WWOX: variants seen among roughly 807,000 people sequenced by gnomAD.
WWOX encodes WW domain containing oxidoreductase.
In WWOX, 69 loss-of-function variants were observed where a neutral mutation model predicts 46.2. That is an observed-to-expected ratio of 1.49 (90% CI 1.23 to 1.82). The LOEUF (loss-of-function observed/expected upper bound fraction) is 1.82, where lower values mean the gene tolerates loss of function less well. WWOX is among the 40% of genes most tolerant of loss of function. The pLI is 0.00. For synonymous variants in WWOX, 359 were observed against 202.6 expected (o/e 1.77, Z -6.56); for missense variants, 919 against 542.6 (o/e 1.69, Z -6.89).
chr16:78,822,919 A>G (rs972180302), intron 8 of WWOX, among the ~76,000 whole-genome samples: 13 of 152,168 alleles, frequency 8.5e-5, no homozygotes, highest in African/African-American at 3.1e-4. Context: ...TGATAAAGCC[A>G]AAAAACTAAA....
Position 78,996,249 on chromosome 16 carries a change from G to C in WWOX, c.1057-215359G>C, listed in dbSNP as rs2046985090. ...AGAAGAAGTAACCTTGAAAAGGGCA[G>C]AGCTGAGCCAGACCCCTTTTCAGCT... On this transcript the variant is annotated intron_variant, in intron 8 of 8. Coordinates refer to ENST00000566780, the MANE Select transcript of WWOX (RefSeq NM_016373.4). 1.3e-5 allele frequency: 13 copies of C among 985,086 alleles called. No individual in the cohort carries two copies. In the South Asian group the frequency reaches 1.9e-4, roughly 14 times the overall value. 61.0% of individuals were successfully genotyped at this position (985,086 alleles called of 1,614,324 possible). A position where few individuals can be genotyped will look rare whatever the true frequency, so the allele number is the denominator to read the frequency against.
Position 78,106,090 on chromosome 16 carries a change from C to G in WWOX, c.108-2333C>G, listed in dbSNP as rs184444950. ...GTGCTGGGATTACAGGCGTGAGCCA[C>G]CGTACCCCGCCACTCCATGGATTCT... On this transcript the variant is annotated intron_variant, in intron 1 of 8. Transcript: ENST00000566780. Among the ~76,000 whole-genome samples the G allele has an allele frequency of 3.0e-3, 460 of 152,326 alleles. 1 individual carries two copies. Among genetic ancestry groups the G allele is most frequent in the Non-Finnish European group, 5.6e-3 (384 of 68,024 alleles).
At position 78,822,073 on chromosome 16, in the gene WWOX, C is replaced by T. The variant is rs150301016; in HGVS notation, c.1056+389321C>T. 2.6e-3 allele frequency among the ~76,000 whole-genome samples: 402 copies of T among 152,244 alleles called. 1 individual carries two copies. The highest frequency in any genetic ancestry group is 6.8e-3 in the Middle Eastern group (2 of 294). Reference sequence around the variant, plus strand: ...AAAATTTCCTGTAGAGATGGGGTCTCAGTGCATTGGCCAGACTGACCTAAA... The same window carrying T: ...AAAATTTCCTGTAGAGATGGGGTCTTAGTGCATTGGCCAGACTGACCTAAA... On this transcript the variant is annotated intron_variant, in intron 8 of 8. Coordinates refer to ENST00000566780, the MANE Select transcript of WWOX (RefSeq NM_016373.4).
At position 78,630,504 on chromosome 16, in the gene WWOX, C is replaced by G. The variant is rs535529253; in HGVS notation, c.1056+197752C>G. On this transcript the variant is annotated intron_variant, in intron 8 of 8. Coordinates refer to ENST00000566780, the MANE Select transcript of WWOX (RefSeq NM_016373.4). Reference sequence around the variant, plus strand: ...AATAAAAACTGTGGACACTGAGTCCCTAATACATTTCTCTGGTAGACAATA... The same window carrying G: ...AATAAAAACTGTGGACACTGAGTCCGTAATACATTTCTCTGGTAGACAATA... 2.4e-4 allele frequency among the ~76,000 whole-genome samples: 37 copies of G among 152,282 alleles called. No homozygotes were observed. The South Asian group carries it at 7.3e-3, about 30-fold the overall frequency.
intron 8 of WWOX, among the ~76,000 whole-genome samples, chr16:78,742,485 C>T (rs890727274): frequency 6.6e-6 from 1 of 152,200 alleles, no homozygotes; most frequent in South Asian, 2.1e-4. Context: ...TATTTATCTA[C>T]AGCGTGGACC....
intron 8 of WWOX, among the ~76,000 whole-genome samples, chr16:79,122,281 G>A (rs756817493): frequency 2.9e-4 from 44 of 152,274 alleles, no homozygotes; most frequent in Non-Finnish European, 5.6e-4. Context: ...AAAGAAAAGG[G>A]AGGAGGTGGG....
Position 78,344,265 on chromosome 16 carries a change from A to G in WWOX, c.517-42595A>G, listed in dbSNP as rs1242662931. ...TGGGCCCAGAGGACTCCAGGTGATAAGCATTTCTTTGTGGTCTGGTAAGTG... is the reference window on the plus strand; with the variant it reads ...TGGGCCCAGAGGACTCCAGGTGATAGGCATTTCTTTGTGGTCTGGTAAGTG... On this transcript the variant is annotated intron_variant, in intron 5 of 8. Transcript: ENST00000566780. 1.7e-5 allele frequency among the ~76,000 whole-genome samples: 2 copies of G among 120,578 alleles called. 1 individual carries two copies. The highest frequency in any genetic ancestry group is 4.0e-5 in the Non-Finnish European group (2 of 50,564). 79.1% of individuals were successfully genotyped at this position (120,578 alleles called of 152,430 possible).
chr16:78,936,860 C>G (rs1199532379), intron 8 of WWOX, among the ~76,000 whole-genome samples: 2 of 152,184 alleles, frequency 1.3e-5, no homozygotes, highest in Admixed American at 6.5e-5. Context: ...TTCTGTAACT[C>G]TTTAACTTGA....
chr16:78,248,366 T>C (rs2037879973), intron 5 of WWOX, among the ~76,000 whole-genome samples: 1 of 152,168 alleles, frequency 6.6e-6, no homozygotes, highest in East Asian at 1.9e-4. Context: ...GCATACGTGC[T>C]AAACCATGCA....
At chr16:79,050,707 C>A (rs556381262) in intron 8 of WWOX, among the ~76,000 whole-genome samples, 1 of 151,912 alleles carries the variant, frequency 6.6e-6, no homozygotes, top group Non-Finnish European at 1.5e-5. Flanking sequence ...ATCAATCTGG[C>A]GAAATGAATG....
chr16:78,536,372 A>G (rs2043759456), intron 8 of WWOX, among the ~76,000 whole-genome samples: 1 of 151,684 alleles, frequency 6.6e-6, no homozygotes, highest in South Asian at 2.1e-4. Context: ...AGAAGCTGCG[A>G]GCTGTGGGGC....
chr16:78,419,137 T>C (rs944257789), intron 6 of WWOX, among the ~76,000 whole-genome samples: 8 of 152,214 alleles, frequency 5.3e-5, no homozygotes, highest in African/African-American at 1.7e-4. Flanking sequence ...AAGTCAATTG[T>C]ATTTCTATAT....
At chr16:79,104,740 T>C (rs1031408195) in intron 8 of WWOX, among the ~76,000 whole-genome samples, 1 of 152,146 alleles carries the variant, frequency 6.6e-6, no homozygotes, top group African/African-American at 2.4e-5. Context: ...TGAGTCCTTT[T>C]CAGAGAGTCA....
chr16:78,146,108 G>A (rs1210876941), intron 4 of WWOX, among the ~76,000 whole-genome samples: 1 of 152,180 alleles, frequency 6.6e-6, no homozygotes, highest in East Asian at 1.9e-4. Context: ...CTTTGAGCCA[G>A]ATAACAATTC....
chr16:79,121,506 C>G (rs924575210), intron 8 of WWOX, among the ~76,000 whole-genome samples: 1 of 152,146 alleles, frequency 6.6e-6, no homozygotes, highest in South Asian at 2.1e-4. Flanking sequence ...GTTTACGGGG[C>G]TGTGGGATGG....
At chr16:78,442,471 C>T (rs890052065) in intron 8 of WWOX, among the ~76,000 whole-genome samples, 6 of 152,178 alleles carry the variant, frequency 3.9e-5, no homozygotes, top group Non-Finnish European at 7.3e-5. Context: ...CCAGCCCCTC[C>T]TGGGAACTGC....
intron 8 of WWOX, among the ~76,000 whole-genome samples, chr16:78,440,467 A>G (rs2083419676): frequency 6.6e-6 from 1 of 152,140 alleles, no homozygotes; most frequent in African/African-American, 2.4e-5. Context: ...GCTCTCCAAT[A>G]TGTTCTTTCA....
chr16:78,830,263 T>A (rs2051780193), intron 8 of WWOX, among the ~76,000 whole-genome samples: 1 of 152,048 alleles, frequency 6.6e-6, no homozygotes, highest in African/African-American at 2.4e-5. Flanking sequence ...TATATGGGGT[T>A]ATTGTCCTCC....
chr16:78,585,586 C>T (rs868471950), intron 8 of WWOX, among the ~76,000 whole-genome samples: 19 of 152,254 alleles, frequency 1.2e-4, no homozygotes, highest in Middle Eastern at 3.4e-3. Context: ...CCACCAGGAC[C>T]TCTTGACTCA....
Sources: gnomAD v4.1 joint callset for allele counts (sites outside exome capture counted in the v4.1 genomes callset) on GRCh38, gnomAD v4.1.1 for gene constraint, MANE v1.5 for transcripts, NCBI Gene and HGNC (gene_info 2026-07-23, HGNC 2026-07-21) for gene names.